The following CLCA4 variants were observed in gnomAD, a reference collection of about 807,000 sequenced individuals.
CLCA4 encodes chloride channel accessory 4.
In CLCA4, 69 loss-of-function variants were observed where a neutral mutation model predicts 78.9. The observed-to-expected ratio is 0.87, with a 90% CI of 0.72 to 1.07. The LOEUF (loss-of-function observed/expected upper bound fraction) is 1.07. Ranked by LOEUF, CLCA4 falls within the 50% of genes least tolerant of loss-of-function variation. CLCA4 has a pLI of 0.00. For synonymous variants in CLCA4, 362 were observed against 375.8 expected, an observed-to-expected ratio of 0.96 and a Z score of 0.42; for missense variants, 1,133 against 1,095.8, an observed-to-expected ratio of 1.03 and a Z score of -0.48.
At chr1:86,559,552 T>A (rs1352562364) in intron 1 of CLCA4, among the ~76,000 whole-genome samples, 1 of 152,198 alleles carries the variant, frequency 6.6e-6, no homozygotes, top group African/African-American at 2.4e-5. Flanking sequence ...CATTGAAGGA[T>A]GAGGAAACTG....
At chr1:86,567,713 A>G (rs1650244265) in intron 7 of CLCA4, 62 bp downstream of exon 7, 1 of 1,314,548 alleles carries the variant, frequency 7.6e-7, no homozygotes, top group Non-Finnish European at 1.1e-6. Flanking sequence ...TTTCATGTTA[A>G]GTGGTACTGC....
intron 13 of CLCA4, 117 bp from the exon 14 acceptor site, chr1:86,579,825 A>G: frequency 1.2e-6 from 1 of 800,182 alleles, no homozygotes; most frequent in South Asian, 1.9e-5. Context: ...TTATTAAAAA[A>G]TGAGTAAGGC....
intron 11 of CLCA4, among the ~76,000 whole-genome samples, chr1:86,575,848 C>G (rs970566001): frequency 1.3e-5 from 2 of 151,918 alleles, no homozygotes; most frequent in Non-Finnish European, 2.9e-5. Flanking sequence ...CCTAGCACTT[C>G]GGGAGGCCAA....
At chr1:86,558,725 G>A (rs569610188) in intron 1 of CLCA4, among the ~76,000 whole-genome samples, 3 of 151,984 alleles carry the variant, frequency 2.0e-5, no homozygotes, top group South Asian at 4.2e-4. Flanking sequence ...GATCACATGA[G>A]AACTTACATC....
At chr1:86,579,720 AT>A (rs1303368611) in intron 13 of CLCA4, 133 bp downstream of exon 13, 4 of 744,954 alleles carry the variant, frequency 5.4e-6, no homozygotes, top group Non-Finnish European at 8.7e-6. Context: ...ATAATCTGAT[AT>A]TTTTTAATCA....
intron 1 of CLCA4, among the ~76,000 whole-genome samples, chr1:86,550,155 T>G (rs1409324875): frequency 6.6e-6 from 1 of 152,214 alleles, no homozygotes; most frequent in African/African-American, 2.4e-5. Flanking sequence ...AGGCATGAAC[T>G]AAGTTGTAAT....
chr1:86,550,972 C>T (rs1309443466), intron 1 of CLCA4, among the ~76,000 whole-genome samples: 2 of 151,536 alleles, frequency 1.3e-5, no homozygotes, highest in Non-Finnish European at 2.9e-5. Flanking sequence ...GCTGGGATTA[C>T]AGGCGCCTGC....
intron 6 of CLCA4, 146 bp from the exon 7 acceptor site, chr1:86,567,277 TA>T: frequency 1.4e-6 from 1 of 712,930 alleles, no homozygotes. Context: ...TGTTATCAAT[TA>T]AAAATTTGAT....
In CLCA4 at chr1:86,565,374, G is replaced by A. The variant is rs1204707574; in HGVS notation, c.658G>A (p.Gly220Arg). 6 of 1,608,212 alleles carry A rather than the reference G, an allele frequency of 3.7e-6. No individual in the cohort carries two copies. The highest frequency in any genetic ancestry group is 5.1e-6 in the Non-Finnish European group (6 of 1,175,798). The change falls in exon 5 of 14, where the codon GGA (glycine) becomes AGA (arginine). Residue 220 changes from glycine to arginine, a missense_variant. Physicochemically the swap from Gly to Arg is moderately radical, Grantham distance 125 (BLOSUM62 -2). Coordinates refer to ENST00000370563, the MANE Select transcript of CLCA4 (RefSeq NM_012128.4). ...CRIDSTTKLY[G>R]KDCQFFPDKV... ...AATTGATTCTACAACAAAACTGTAT[G>A]GAAAAGATTGTCAATTCTTTCCTGA...
intron 1 of CLCA4, among the ~76,000 whole-genome samples, chr1:86,547,915 C>A (rs1649546907): frequency 6.6e-6 from 1 of 152,178 alleles, no homozygotes; most frequent in Non-Finnish European, 1.5e-5. Context: ...AATAGTGCTA[C>A]AATAAACATG....
intron 9 of CLCA4, among the ~76,000 whole-genome samples, chr1:86,574,220 T>C (rs1237715160): frequency 6.6e-6 from 1 of 152,054 alleles, no homozygotes; most frequent in East Asian, 1.9e-4. Flanking sequence ...CCTCTATCTG[T>C]GTGAAAAAAT....
Position 86,563,679 on chromosome 1 carries a change from A to T in CLCA4, c.467A>T (p.Glu156Val), listed in dbSNP as rs1336307814. The change falls in exon 4 of 14, where the codon GAG becomes GTG. Residue 156 changes from glutamate to valine, a missense_variant. Glu to Val is a moderately radical substitution (Grantham distance 121). Transcript: ENST00000370563. ...CCCACAGGCAAACTGTTTGTCCATGAGTGGGCTCACCTCCGGTGGGGAGTG... is the reference window on the plus strand; with the variant it reads ...CCCACAGGCAAACTGTTTGTCCATGTGTGGGCTCACCTCCGGTGGGGAGTG... ...YGPPGKLFVH[E>V]WAHLRWGVFD... The T allele has an allele frequency of 6.3e-7, 1 of 1,593,284 alleles. No homozygotes were observed. The highest frequency in any genetic ancestry group is 1.7e-5 in the Admixed American group (1 of 57,814).
At chr1:86,550,989 G>A (rs1035016029) in intron 1 of CLCA4, among the ~76,000 whole-genome samples, 33 of 151,476 alleles carry the variant, frequency 2.2e-4, no homozygotes, top group Non-Finnish European at 3.8e-4. Context: ...CTGCCACCAC[G>A]CCCCGCTAAT....
intron 1 of CLCA4, among the ~76,000 whole-genome samples, chr1:86,559,495 A>G (rs1434834991): frequency 2.0e-5 from 3 of 152,216 alleles, no homozygotes; most frequent in East Asian, 1.9e-4. Context: ...AGGACTTTAT[A>G]TCTGATTCCA....
At chr1:86,567,335 C>A (rs1650227474) in intron 6 of CLCA4, 89 bp from the exon 7 acceptor site, 1 of 1,061,332 alleles carries the variant, frequency 9.4e-7, no homozygotes. Flanking sequence ...GAAAATGTTA[C>A]CAATAAATTC....
At chr1:86,562,938 AG>A (rs1341662041) in intron 3 of CLCA4, among the ~76,000 whole-genome samples, 4 of 151,776 alleles carry the variant, frequency 2.6e-5, no homozygotes, top group African/African-American at 2.4e-5. Context: ...TCCCATTTTC[AG>A]ATTCATATGA....
At chr1:86,553,307 G>T (rs1316911613) in intron 1 of CLCA4, 63 of 670,668 alleles carry the variant, frequency 9.4e-5, no homozygotes, top group Non-Finnish European at 1.3e-4. Context: ...CTTCCTGGTG[G>T]CCAACACGTT....
Position 86,560,049 on chromosome 1 carries a change from C to A in CLCA4, c.277C>A (p.Pro93Thr). 6.3e-7 allele frequency: 1 copy of A among 1,596,298 alleles called. No homozygotes were observed. The change falls in exon 2 of 14, where the codon CCA (proline) becomes ACA (threonine). Residue 93 changes from proline to threonine, a missense_variant. Coordinates refer to ENST00000370563, the MANE Select transcript of CLCA4 (RefSeq NM_012128.4). ...NWKENPQYKR[P>T]KHENHKHADV... ...GAAGGAAAATCCTCAGTACAAAAGG[C>A]CAAAACATGAAAACCATAAACATGT...
At chr1:86,559,878 A>T in intron 1 of CLCA4, 54 bp from the exon 2 acceptor site, 1 of 1,419,132 alleles carries the variant, frequency 7.0e-7, no homozygotes, top group Non-Finnish European at 9.7e-7. Flanking sequence ...AAACCCTGCT[A>T]ATTTAGTTCA....
Sources: gnomAD v4.1 joint callset for allele counts (sites outside exome capture counted in the v4.1 genomes callset) on GRCh38, gnomAD v4.1.1 for gene constraint, MANE v1.5 for transcripts, NCBI Gene and HGNC (gene_info 2026-07-23, HGNC 2026-07-21) for gene names.